Variants in HIBCH observed in about 807,000 individuals in gnomAD.
HIBCH encodes 3-hydroxyisobutyryl-CoA hydrolase.
In HIBCH, 50 loss-of-function variants were observed where a neutral mutation model predicts 58.2. The ratio of observed to expected loss-of-function variants is 0.86; its 90% CI spans 0.68 to 1.09. The LOEUF is 1.09. Among genes scored for constraint, HIBCH ranks in the 50% least tolerant of loss-of-function variants. The probability of loss-of-function intolerance (pLI) is 0.00; values close to 1 mark genes in which losing one functional copy is unlikely to be tolerated. For missense variants in HIBCH, 450 were observed against 449.7 expected (o/e 1.00, Z -0.01); for synonymous variants, 151 against 146.9 (o/e 1.03, Z -0.20).
intron 9 of HIBCH, among the ~76,000 whole-genome samples, chr2:190,247,002 CTT>C (rs78433117): frequency 7.0e-5 from 10 of 142,716 alleles, no homozygotes; most frequent in Admixed American, 2.8e-4. Context: ...TTAAATAAGA[CTT>C]TTTTTTTTTT....
At chr2:190,205,375 T>G in intron 13 of HIBCH, 143 bp from the exon 14 acceptor site, 1 of 617,278 alleles carries the variant, frequency 1.6e-6, no homozygotes, top group South Asian at 2.0e-5. Flanking sequence ...ATGTATTCTA[T>G]TTTTCTTTTA....
chr2:190,307,833 T>G (rs56297515), intron 2 of HIBCH, among the ~76,000 whole-genome samples: 14,306 of 152,250 alleles, frequency 0.094, 790 homozygotes, highest in Middle Eastern at 0.15. Context: ...AAACCTTATA[T>G]GCAGAAATGC....
chr2:190,272,738 C>A (rs558948581), intron 6 of HIBCH, among the ~76,000 whole-genome samples: 7 of 152,052 alleles, frequency 4.6e-5, no homozygotes, highest in African/African-American at 1.7e-4. Context: ...CAAAAATTTC[C>A]CAGAATGCAA....
At chr2:190,253,486 G>A (rs890467939) in intron 7 of HIBCH, among the ~76,000 whole-genome samples, 9 of 152,038 alleles carry the variant, frequency 5.9e-5, no homozygotes, top group Admixed American at 1.3e-4. Context: ...TAACCTCCCC[G>A]CGCCAGTCCC....
chr2:190,287,058 G>GTGTGTGTGTA (rs10662510), intron 6 of HIBCH, among the ~76,000 whole-genome samples: 3,919 of 147,658 alleles, frequency 0.027, 72 homozygotes, highest in Non-Finnish European at 0.028. Context: ...GTGTGTGTGT[G>GTGTGTGTGTA]TATACATATA....
intron 11 of HIBCH, among the ~76,000 whole-genome samples, chr2:190,222,822 G>C (rs562223435): frequency 1.3e-5 from 2 of 152,172 alleles, no homozygotes; most frequent in Non-Finnish European, 2.9e-5. Flanking sequence ...ACATGCACAC[G>C]TATGTTTATT....
chr2:190,255,745 C>A (rs1384766084), intron 7 of HIBCH, among the ~76,000 whole-genome samples: 1 of 152,100 alleles, frequency 6.6e-6, no homozygotes, highest in Non-Finnish European at 1.5e-5. Flanking sequence ...ATTCCCACAA[C>A]AGAGTACCAG....
At chr2:190,250,696 TC>T (rs1686737523) in intron 8 of HIBCH, among the ~76,000 whole-genome samples, 1 of 152,208 alleles carries the variant, frequency 6.6e-6, no homozygotes, top group African/African-American at 2.4e-5. Flanking sequence ...CAGAGAAAGA[TC>T]TGAATCTTTG....
intron 6 of HIBCH, among the ~76,000 whole-genome samples, chr2:190,272,757 T>TG (rs575700650): frequency 1.0e-3 from 154 of 151,724 alleles, no homozygotes; most frequent in Non-Finnish European, 1.8e-3. Flanking sequence ...AATACCTTAA[T>TG]GGGGGGGCAG....
At chr2:190,238,197 T>C (rs372332754) in intron 11 of HIBCH, among the ~76,000 whole-genome samples, 5 of 152,282 alleles carry the variant, frequency 3.3e-5, no homozygotes, top group East Asian at 3.9e-4. Flanking sequence ...AGTAAAGGGA[T>C]TGCTGGGTCA....
intron 11 of HIBCH, among the ~76,000 whole-genome samples, chr2:190,242,230 T>C (rs1686474680): frequency 6.6e-6 from 1 of 151,808 alleles, no homozygotes; most frequent in Non-Finnish European, 1.5e-5. Context: ...TGATATCCTT[T>C]CTTCTGCTTG....
Position 190,217,562 on chromosome 2 carries a change from T to C in HIBCH, c.892-4487A>G, listed in dbSNP as rs771401036. Among the ~76,000 whole-genome samples, 6 of 152,168 alleles carry C rather than the reference T, an allele frequency of 3.9e-5. No individual in the cohort carries two copies. The highest frequency in any genetic ancestry group is 1.2e-4 in the African/African-American group (5 of 41,432). On this transcript the variant is annotated intron_variant, in intron 11 of 13. Transcript: ENST00000359678. This position sits in a 1 kb window ranked among gnomAD's most constrained non-coding sequence, Gnocchi z 4.6. ...AGCAGGACTACTAACCTTTCTACTA[T>C]GAAAATCAAAGACCAATTTTTTAAA...
chr2:190,294,481 T>C (rs1373832407), intron 4 of HIBCH, 65 bp downstream of exon 4: 22 of 1,006,984 alleles, frequency 2.2e-5, no homozygotes, highest in East Asian at 7.2e-5. Context: ...TTACAAAAAT[T>C]TGACAATACT....
chr2:190,273,758 G>T (rs1448277382), intron 6 of HIBCH, among the ~76,000 whole-genome samples: 1 of 151,940 alleles, frequency 6.6e-6, no homozygotes, highest in South Asian at 2.1e-4. Context: ...TATACCAAAC[G>T]AAGCTGAACT....
At chr2:190,249,466 G>T (rs1247724210) in intron 9 of HIBCH, among the ~76,000 whole-genome samples, 174 bp downstream of exon 9, 1 of 152,166 alleles carries the variant, frequency 6.6e-6, no homozygotes, top group South Asian at 2.1e-4. Flanking sequence ...CATCTTATTA[G>T]CTGGCTATAC....
chr2:190,300,294 G>A (rs536848115), intron 2 of HIBCH, among the ~76,000 whole-genome samples: 36 of 152,232 alleles, frequency 2.4e-4, no homozygotes, highest in African/African-American at 7.7e-4. Context: ...GTGTATACAC[G>A]TTCCCTTTTC....
intron 5 of HIBCH, among the ~76,000 whole-genome samples, chr2:190,288,156 CTTTT>C (rs369704911): frequency 0.021 from 2,969 of 141,672 alleles, 58 homozygotes; most frequent in East Asian, 0.071. Context: ...AAGACCCTAT[CTTTT>C]TTTTTTTTTT....
intron 13 of HIBCH, 111 bp from the exon 14 acceptor site, chr2:190,205,343 T>A (rs1690365326): frequency 1.5e-6 from 1 of 666,136 alleles, no homozygotes. Flanking sequence ...TCTATCATAC[T>A]TTTTTCCTGC....
intron 2 of HIBCH, among the ~76,000 whole-genome samples, chr2:190,307,543 C>T (rs1314991224): frequency 2.0e-5 from 3 of 152,054 alleles, no homozygotes; most frequent in African/African-American, 4.8e-5. Flanking sequence ...GGGGTTCATA[C>T]CTGCAGTCCT....
Sources: allele counts gnomAD v4.1 joint callset (sites outside exome capture counted in the v4.1 genomes callset), GRCh38; gene constraint gnomAD v4.1.1; non-coding constraint Gnocchi (gnomAD v3.1); transcripts MANE v1.5; gene names NCBI Gene and HGNC (gene_info 2026-07-23, HGNC 2026-07-21).